The following NMT2 variants were observed in gnomAD, a reference collection of about 807,000 sequenced individuals.
The protein encoded by NMT2 is N-myristoyltransferase 2.
NMT2 carries 35 observed loss-of-function variants against 65.4 expected under a neutral mutation model. The observed-to-expected ratio is 0.54, with a 90% confidence interval of 0.41 to 0.71. The LOEUF (loss-of-function observed/expected upper bound fraction) is 0.71. Among genes scored for constraint, NMT2 ranks in the 30% least tolerant of loss-of-function variants. The pLI, the probability that NMT2 is intolerant of heterozygous loss-of-function variation, is 0.00. For synonymous variants in NMT2, 226 were observed against 231.8 expected (o/e 0.98, Z 0.23); for missense variants, 489 against 611.3 (o/e 0.80, Z 2.11).
chr10:15,121,586 C>T (rs749056477), intron 8 of NMT2, among the ~76,000 whole-genome samples: 47 of 152,186 alleles, frequency 3.1e-4, no homozygotes, highest in Non-Finnish European at 5.9e-4. Flanking sequence ...AGGCTGGTCT[C>T]GAATGCCTGA....
At chr10:15,140,570 T>A (rs1406850317) in intron 2 of NMT2, among the ~76,000 whole-genome samples, 3 of 151,174 alleles carry the variant, frequency 2.0e-5, no homozygotes, top group African/African-American at 7.3e-5. Flanking sequence ...CAGGATGAAG[T>A]GCAGTGGTGT....
intron 7 of NMT2, among the ~76,000 whole-genome samples, chr10:15,129,922 A>AAG (rs1300882024): frequency 5.3e-5 from 8 of 151,704 alleles, no homozygotes; most frequent in Admixed American, 2.0e-4. Flanking sequence ...AAAAAAAAAA[A>AAG]AAAAAAAGTA....
intron 1 of NMT2, among the ~76,000 whole-genome samples, chr10:15,166,261 T>C (rs1285728442): frequency 1.3e-5 from 2 of 152,234 alleles, no homozygotes; most frequent in African/African-American, 4.8e-5. Flanking sequence ...TTCAGTAAAT[T>C]ACCTCTCTGC....
At chr10:15,114,307 T>C (rs758143015) in intron 9 of NMT2, among the ~76,000 whole-genome samples, 12 of 152,194 alleles carry the variant, frequency 7.9e-5, no homozygotes, top group Non-Finnish European at 1.8e-4. Flanking sequence ...AAACTACTTC[T>C]TCACATTCAT....
intron 1 of NMT2, among the ~76,000 whole-genome samples, chr10:15,145,001 A>G (rs1247515205): frequency 1.3e-5 from 2 of 152,184 alleles, no homozygotes; most frequent in Non-Finnish European, 2.9e-5. Flanking sequence ...AACAACCCAA[A>G]TGACCATCCT....
chr10:15,135,353 G>A lies in NMT2; in HGVS notation c.312C>T (p.Cys104=), dbSNP rs563626777. Residue 104 remains cysteine (C), a synonymous_variant, in exon 3 of 12, where the codon TGC becomes TGT. Transcript: ENST00000378165. ...IQRAMELLSA[C]QGPARNIDEA... is the part of the protein sequence containing the mutation. ...CATCAATGTTCCTGGCTGGGCCCTG[G>A]CATGCGGATAGCAGCTCCATTGCTC... The A allele has an allele frequency of 2.5e-6, 4 of 1,613,956 alleles. No homozygotes were observed. The highest frequency in any genetic ancestry group is 3.4e-6 in the Non-Finnish European group (4 of 1,179,986).
chr10:15,134,514 G>C (rs960461478), intron 3 of NMT2, among the ~76,000 whole-genome samples: 1 of 152,114 alleles, frequency 6.6e-6, no homozygotes, highest in African/African-American at 2.4e-5. Flanking sequence ...CTCTACCTCA[G>C]TGTGGCCGCT....
intron 1 of NMT2, among the ~76,000 whole-genome samples, chr10:15,159,674 C>A (rs1033200984): frequency 2.0e-5 from 3 of 152,126 alleles, no homozygotes; most frequent in Non-Finnish European, 2.9e-5. Context: ...GTGATCCACC[C>A]GCCTCGGCCT....
Position 15,168,584 on chromosome 10 carries a change from C to T in NMT2, c.29G>A (p.Ser10Asn), listed in dbSNP as rs1165491471. Residue 10 changes from serine to asparagine, a missense_variant, in exon 1 of 12, where the codon AGC (serine) becomes AAC (asparagine). By Grantham distance (46) the Ser-to-Asn change is conservative. Transcript: ENST00000378165. MAEDSESAA[S>N]QQSLELDDQD... ...GTCGTCCAGTTCCAGGCTCTGCTGGCTGGCCGCAGACTCGCTGTCCTCCGC... is the reference window on the plus strand; with the variant it reads ...GTCGTCCAGTTCCAGGCTCTGCTGGTTGGCCGCAGACTCGCTGTCCTCCGC... 6.3e-7 allele frequency: 1 copy of T among 1,588,262 alleles called. No individual in the cohort carries two copies. The highest frequency in any genetic ancestry group is 1.1e-5 in the South Asian group (1 of 89,354).
At position 15,119,474 on chromosome 10, in the gene NMT2, C is replaced by CT. The variant is rs1318992849; in HGVS notation, c.1038dup (p.Asp347ArgfsTer24). On this transcript the variant is annotated frameshift_variant, in exon 9 of 12. Coordinates refer to ENST00000378165, the MANE Select transcript of NMT2 (RefSeq NM_004808.3). LOFTEE classifies it high-confidence loss of function. ...ATTAATTCTCGAACTGATTTGATAT[C>CT]TTTTGGTTCCATTGGTCTCAAACCT... The CT allele has an allele frequency of 1.2e-6, 2 of 1,614,110 alleles. No homozygotes were observed. Among genetic ancestry groups the CT allele is most frequent in the South Asian group, 2.2e-5 (2 of 91,068 alleles).
intron 1 of NMT2, among the ~76,000 whole-genome samples, chr10:15,164,292 G>C (rs1833304553): frequency 6.6e-6 from 1 of 150,982 alleles, no homozygotes; most frequent in Non-Finnish European, 1.5e-5. Context: ...TGTTTATTTT[G>C]GTTCCTATAT....
chr10:15,165,371 T>C (rs1833343909), intron 1 of NMT2, among the ~76,000 whole-genome samples: 1 of 152,206 alleles, frequency 6.6e-6, no homozygotes, highest in South Asian at 2.1e-4. Context: ...GCAAATCGTG[T>C]GTTAAAGTAA....
chr10:15,110,624 A>C (rs74525222), intron 10 of NMT2, among the ~76,000 whole-genome samples: 2,142 of 142,640 alleles, frequency 0.015, 53 homozygotes, highest in African/African-American at 0.06. Flanking sequence ...CAACAGAGTG[A>C]GCGCCTGTCT....
At chr10:15,164,591 T>C (rs1833315229) in intron 1 of NMT2, among the ~76,000 whole-genome samples, 1 of 152,220 alleles carries the variant, frequency 6.6e-6, no homozygotes, top group Non-Finnish European at 1.5e-5. Context: ...GACAGTGGGT[T>C]CTAAATAATT....
At position 15,141,543 on chromosome 10, in the gene NMT2, T is replaced by C; in HGVS notation, c.125A>G (p.Tyr42Cys). The stretch of plus-strand genomic sequence containing the variant: ...CTTCTTTTTCTTTTTGGCTCCCAAA[T>C]ACCCTCCAGGACTTCTGCAGGAAAT... ...TEHAKGSPGGYLGAKKKKKKQ... is the reference protein window; with the variant it reads ...TEHAKGSPGGCLGAKKKKKKQ... The change falls in exon 2 of 12, where the codon TAT becomes TGT. Residue 42 changes from tyrosine to cysteine, a missense_variant. Tyr to Cys is a radical substitution (Grantham distance 194, BLOSUM62 -2). Coordinates refer to ENST00000378165, the MANE Select transcript of NMT2 (RefSeq NM_004808.3). 6.2e-7 allele frequency: 1 copy of C among 1,612,762 alleles called. No individual in the cohort carries two copies. Among genetic ancestry groups the C allele is most frequent in the East Asian group, 2.2e-5 (1 of 44,882 alleles).
chr10:15,134,370 C>T (rs1234221847), intron 3 of NMT2, among the ~76,000 whole-genome samples: 1 of 152,216 alleles, frequency 6.6e-6, no homozygotes, highest in Non-Finnish European at 1.5e-5. Flanking sequence ...GGCCTCAGCT[C>T]AGGGCCTTCC....
chr10:15,130,703 CAAAA>C (rs974360507), intron 6 of NMT2, among the ~76,000 whole-genome samples: 4 of 28,638 alleles, frequency 1.4e-4, no homozygotes, highest in South Asian at 2.0e-3. Context: ...GGCCCTGTCT[CAAAA>C]AAAAAAAAAA....
intron 9 of NMT2, among the ~76,000 whole-genome samples, chr10:15,117,303 T>C (rs140301091): frequency 2.1e-3 from 316 of 152,216 alleles, no homozygotes; most frequent in African/African-American, 7.1e-3. Context: ...AATCATATGA[T>C]TACATCTATT....
At chr10:15,119,840 C>G (rs950812084) in intron 8 of NMT2, among the ~76,000 whole-genome samples, 1 of 152,170 alleles carries the variant, frequency 6.6e-6, no homozygotes, top group Non-Finnish European at 1.5e-5. Context: ...GGGAACAGTA[C>G]AAGTTCATGA....
Sources: allele counts gnomAD v4.1 joint callset (sites outside exome capture counted in the v4.1 genomes callset), GRCh38; gene constraint gnomAD v4.1.1; transcripts MANE v1.5; gene names NCBI Gene and HGNC (gene_info 2026-07-23, HGNC 2026-07-21).